Variants in ABL1 observed in about 807,000 individuals in gnomAD.
The protein encoded by ABL1 is tyrosine-protein kinase ABL1.
A neutral mutation model predicts 94.7 loss-of-function variants in ABL1; 11 were observed. That is an observed-to-expected ratio of 0.12 (90% CI 0.07 to 0.19). ABL1 has a LOEUF of 0.19. ABL1 is among the 10% of genes least tolerant of loss of function. The pLI is 1.00. For synonymous variants in ABL1, 656 were observed against 622.4 expected (o/e 1.05, Z -0.80); for missense variants, 1,082 against 1,489.4 (o/e 0.73, Z 4.50).
chr9:130,884,251 C>G lies in ABL1; in HGVS notation c.1961C>G (p.Ala654Gly), dbSNP rs758297942. The change falls in exon 11 of 11, where the codon GCT (alanine) becomes GGT (glycine). Residue 654 changes from alanine (A) to glycine (G), a missense_variant. By Grantham distance (60) the Ala-to-Gly change is moderately conservative. Coordinates refer to ENST00000318560, the MANE Select transcript of ABL1 (RefSeq NM_005157.6). This position sits in a 1 kb window ranked among gnomAD's most constrained non-coding sequence, Gnocchi z 5.6. Reference sequence around the variant, plus strand: ...CTGGCTTTCACCCCCTTGGACACAGCTGACCCAGCCAAGTCCCCAAAGCCC... The same window carrying G: ...CTGGCTTTCACCCCCTTGGACACAGGTGACCCAGCCAAGTCCCCAAAGCCC... ...GALAFTPLDT[A>G]DPAKSPKPSN... 2 of 1,599,470 alleles carry G rather than the reference C, an allele frequency of 1.3e-6. No homozygotes were observed. The highest frequency in any genetic ancestry group is 3.5e-5 in the Admixed American group (2 of 57,788).
At chr9:130,869,027 C>T (rs990723997) in intron 4 of ABL1, among the ~76,000 whole-genome samples, 2 of 151,826 alleles carry the variant, frequency 1.3e-5, no homozygotes, top group Non-Finnish European at 2.9e-5. Context: ...ATTAGCTGGG[C>T]GTGGTGGCAG....
At chr9:130,877,020 A>G (rs1212766806) in intron 7 of ABL1, among the ~76,000 whole-genome samples, 1 of 148,038 alleles carries the variant, frequency 6.8e-6, no homozygotes, top group Non-Finnish European at 1.5e-5. Context: ...TAGTTTCTTA[A>G]TACCCTTCAG....
At chr9:130,795,920 G>A (rs559276549) in intron 1 of ABL1, among the ~76,000 whole-genome samples, 12 of 152,288 alleles carry the variant, frequency 7.9e-5, no homozygotes, top group South Asian at 2.1e-4. Flanking sequence ...GGCTGGGCGC[G>A]GTGGCTCATG....
chr9:130,720,829 G>T lies in ABL1; in HGVS notation c.136+6374G>T, dbSNP rs561603798. ...TCAGAACCGACAAGATTTGCTCTCGGATTAGATGTGGGATATGGGGGTGTG... is the reference window on the plus strand; with the variant it reads ...TCAGAACCGACAAGATTTGCTCTCGTATTAGATGTGGGATATGGGGGTGTG... On this transcript the variant is annotated intron_variant, in intron 1 of 10. Coordinates refer to the ABL1 transcript ENST00000372348. Among the ~76,000 whole-genome samples, 9 of 152,174 alleles carry T rather than the reference G, an allele frequency of 5.9e-5. 1 individual carries two copies. In the South Asian group the frequency reaches 1.9e-3, roughly 32 times the overall value.
chr9:130,761,822 AAAAT>A (rs1410313798), intron 1 of ABL1, among the ~76,000 whole-genome samples: 1 of 152,176 alleles, frequency 6.6e-6, no homozygotes, highest in Non-Finnish European at 1.5e-5. Flanking sequence ...ATCACATTAC[AAAAT>A]AAATAAATGC....
chr9:130,777,313 T>G (rs546532148), intron 1 of ABL1, among the ~76,000 whole-genome samples: 2 of 152,368 alleles, frequency 1.3e-5, no homozygotes, highest in South Asian at 4.1e-4. Context: ...TGGATGGGGT[T>G]GTCCATTGGC....
intron 1 of ABL1, among the ~76,000 whole-genome samples, chr9:130,839,623 G>A (rs765018592): frequency 1.3e-5 from 2 of 152,286 alleles, no homozygotes; most frequent in African/African-American, 4.8e-5. Context: ...TCAATTTGGA[G>A]GCAGGAGATC....
At chr9:130,739,991 G>GT (rs1177820138) in intron 1 of ABL1, among the ~76,000 whole-genome samples, 1 of 152,158 alleles carries the variant, frequency 6.6e-6, no homozygotes, top group East Asian at 1.9e-4. Context: ...TTGAATCAAA[G>GT]TTTTTTGTTT....
At chr9:130,789,548 C>A (rs1259054691) in intron 1 of ABL1, among the ~76,000 whole-genome samples, 1 of 150,100 alleles carries the variant, frequency 6.7e-6, no homozygotes, top group Non-Finnish European at 1.5e-5. Flanking sequence ...ACACACACAC[C>A]CTGAAACAAG....
At chr9:130,751,129 CTTTTTTTTTTTTTTTTTTT>C (rs60206110) in intron 1 of ABL1, among the ~76,000 whole-genome samples, 1 of 57,482 alleles carries the variant, frequency 1.7e-5, no homozygotes, top group African/African-American at 7.9e-5. Context: ...TTTTATTCAG[CTTTTTTTTTTTTTTTTTTT>C]TTTTTTTTTT....
chr9:130,845,845 A>T (rs1830760108), intron 1 of ABL1, among the ~76,000 whole-genome samples: 2 of 150,380 alleles, frequency 1.3e-5, no homozygotes, highest in Non-Finnish European at 3.0e-5. Context: ...GGGCAACAAG[A>T]GCAAAACTCT....
chr9:130,780,265 C>T (rs1321928394), intron 1 of ABL1, among the ~76,000 whole-genome samples: 6 of 152,144 alleles, frequency 3.9e-5, no homozygotes, highest in African/African-American at 7.2e-5. Flanking sequence ...CCAGCCTGGG[C>T]GACAGAGTGA....
upstream of ABL1, among the ~76,000 whole-genome samples, chr9:130,831,324 A>G (rs1471834212): frequency 6.6e-6 from 1 of 152,116 alleles, no homozygotes; most frequent in Non-Finnish European, 1.5e-5. Flanking sequence ...GAGATGGAGC[A>G]TCCACATCCT....
At chr9:130,775,346 A>G (rs912567646) in intron 1 of ABL1, among the ~76,000 whole-genome samples, 3 of 152,256 alleles carry the variant, frequency 2.0e-5, no homozygotes, top group African/African-American at 4.8e-5. Flanking sequence ...CAGATTCAGA[A>G]TATAAAATAC....
In ABL1 at chr9:130,716,988, C is replaced by G. The variant is rs141346054; in HGVS notation, c.136+2533C>G. Among the ~76,000 whole-genome samples the G allele has an allele frequency of 3.2e-3, 481 of 151,848 alleles. 1 individual carries two copies. Among genetic ancestry groups the G allele is most frequent in the East Asian group, 9.7e-3 (50 of 5,144 alleles). Reference sequence around the variant, plus strand: ...ATTTACAGATGCCATATTTTAATATCTTATAATGAAATGTATTATTTGGAA... The same window carrying G: ...ATTTACAGATGCCATATTTTAATATGTTATAATGAAATGTATTATTTGGAA... On this transcript the variant is annotated intron_variant, in intron 1 of 10. Transcript: ENST00000372348.
At chr9:130,755,225 T>A (rs1054851211) in intron 1 of ABL1, among the ~76,000 whole-genome samples, 4 of 152,158 alleles carry the variant, frequency 2.6e-5, no homozygotes, top group Non-Finnish European at 5.9e-5. Context: ...GGAGTACCCT[T>A]AAGTAGGACA....
At chr9:130,836,071 A>G (rs1830577591) in intron 1 of ABL1, among the ~76,000 whole-genome samples, 1 of 152,228 alleles carries the variant, frequency 6.6e-6, no homozygotes, top group Non-Finnish European at 1.5e-5. Flanking sequence ...CCATTTATGG[A>G]TACAGAATTT....
chr9:130,859,677 CTTTTTTTTTTTTT>C (rs869234280), intron 3 of ABL1, among the ~76,000 whole-genome samples: 6 of 78,460 alleles, frequency 7.6e-5, no homozygotes, highest in African/African-American at 1.3e-4. Context: ...TCTTTCTTTC[CTTTTTTTTTTTTT>C]TTTTTTTTTT....
At chr9:130,808,083 CAA>C (rs35930489) in intron 1 of ABL1, among the ~76,000 whole-genome samples, 60 of 123,430 alleles carry the variant, frequency 4.9e-4, no homozygotes, top group African/African-American at 1.6e-3. Flanking sequence ...ATTAACTGAT[CAA>C]AAAAAAAAAA....
Sources: gnomAD v4.1 joint callset for allele counts (sites outside exome capture counted in the v4.1 genomes callset) on GRCh38, gnomAD v4.1.1 for gene constraint, Gnocchi (gnomAD v3.1) non-coding constraint, MANE v1.5 for transcripts, NCBI Gene and HGNC (gene_info 2026-07-23, HGNC 2026-07-21) for gene names.